The following PTPRU variants were observed in gnomAD, a reference collection of about 807,000 sequenced individuals.
The protein encoded by PTPRU is receptor-type tyrosine-protein phosphatase U.
In PTPRU, 69 loss-of-function variants were observed where a neutral mutation model predicts 166.3. That is an observed-to-expected ratio of 0.41 (90% CI 0.34 to 0.51). The LOEUF (loss-of-function observed/expected upper bound fraction) is 0.51. Among genes scored for constraint, PTPRU ranks in the 20% least tolerant of loss-of-function variants. PTPRU has a pLI of 0.09. For synonymous variants in PTPRU, 793 were observed against 814.0 expected, an observed-to-expected ratio of 0.97 and a Z score of 0.44; for missense variants, 1,657 against 2,013.7, an observed-to-expected ratio of 0.82 and a Z score of 3.39.
chr1:29,261,565 T>C (rs1685066924), intron 7 of PTPRU, among the ~76,000 whole-genome samples: 1 of 152,208 alleles, frequency 6.6e-6, no homozygotes, highest in African/African-American at 2.4e-5. Flanking sequence ...AGTTTTGCTC[T>C]GTCACCCAGG....
At chr1:29,244,674 T>C (rs1684212532) in intron 1 of PTPRU, among the ~76,000 whole-genome samples, 1 of 152,174 alleles carries the variant, frequency 6.6e-6, no homozygotes, top group African/African-American at 2.4e-5. Context: ...CCACCACTTC[T>C]AGCTGTGTGA....
chr1:29,262,039 G>A (rs1685089012), intron 7 of PTPRU, among the ~76,000 whole-genome samples: 1 of 152,134 alleles, frequency 6.6e-6, no homozygotes, highest in African/African-American at 2.4e-5. Context: ...GCTTGTACTT[G>A]TTTGTGTGTG....
rs2151935937 is a variant in PTPRU at position 29,237,579 on chromosome 1, G to C, written c.73+862G>C. On this transcript the variant is annotated intron_variant, in intron 1 of 29. Transcript: ENST00000373779. This position sits in a 1 kb window ranked among gnomAD's most constrained non-coding sequence, Gnocchi z 6.4. ...TGTGCGCGCGTGTGCGTGTGCGCGTGTGTGGCGCGCTGGGCCGGAACAAGT... is the reference window on the plus strand; with the variant it reads ...TGTGCGCGCGTGTGCGTGTGCGCGTCTGTGGCGCGCTGGGCCGGAACAAGT... 6.6e-6 allele frequency among the ~76,000 whole-genome samples: 1 copy of C among 151,774 alleles called. No homozygotes were observed.
intron 28 of PTPRU, 76 bp from the exon 29 acceptor site, chr1:29,325,115 C>T (rs1436630266): frequency 6.3e-7 from 1 of 1,575,226 alleles, no homozygotes; most frequent in Non-Finnish European, 8.7e-7. Context: ...TCTGCCCCTC[C>T]CTCGTGGTTC....
At chr1:29,275,235 C>T (rs941847811) in intron 7 of PTPRU, among the ~76,000 whole-genome samples, 1 of 152,120 alleles carries the variant, frequency 6.6e-6, no homozygotes, top group African/African-American at 2.4e-5. Context: ...CAGTTGCCAG[C>T]TGCAAGTGGC....
At chr1:29,309,535 C>T (rs1439112141) in intron 18 of PTPRU, among the ~76,000 whole-genome samples, 1 of 152,122 alleles carries the variant, frequency 6.6e-6, no homozygotes, top group East Asian at 1.9e-4. Context: ...ACTGCTTCAG[C>T]TTTAAAATAG....
intron 14 of PTPRU, among the ~76,000 whole-genome samples, chr1:29,290,310 G>T: frequency 6.6e-6 from 1 of 152,186 alleles, no homozygotes; most frequent in Non-Finnish European, 1.5e-5. Flanking sequence ...CCTCACAACA[G>T]CTCTGAGAAA....
rs923177425 is a variant in PTPRU, at chr1:29,262,449, G to T, written c.1144+1546G>T. 5.9e-5 allele frequency among the ~76,000 whole-genome samples: 9 copies of T among 152,282 alleles called. No homozygotes were observed. In the Middle Eastern group the frequency reaches 0.01, roughly 173 times the overall value. On this transcript the variant is annotated intron_variant, in intron 7 of 29. Coordinates refer to ENST00000373779, the MANE Select transcript of PTPRU (RefSeq NM_133178.4). ...TGTGGTCAACTTGAGGCTTGAAAAG[G>T]TGAGTACAATACAATAAGATATTTT... is the stretch of plus-strand genomic sequence containing the variant.
chr1:29,316,762 C>G (rs540461075), intron 24 of PTPRU, among the ~76,000 whole-genome samples: 117 of 152,248 alleles, frequency 7.7e-4, no homozygotes, highest in African/African-American at 2.6e-3. Context: ...CAGCATCCCC[C>G]CAACAGTCCT....
intron 1 of PTPRU, among the ~76,000 whole-genome samples, chr1:29,248,084 G>T (rs900970125): frequency 9.9e-5 from 15 of 152,210 alleles, no homozygotes; most frequent in African/African-American, 3.6e-4. Flanking sequence ...AGCAAGGTGG[G>T]CTGGGCCGGG....
intron 1 of PTPRU, among the ~76,000 whole-genome samples, chr1:29,252,047 A>G (rs1045102129): frequency 6.6e-6 from 1 of 152,200 alleles, no homozygotes; most frequent in African/African-American, 2.4e-5. Context: ...CACCTCCTAC[A>G]GGCAATAGGG....
chr1:29,246,137 A>G (rs1166911223), intron 1 of PTPRU, among the ~76,000 whole-genome samples: 2 of 152,220 alleles, frequency 1.3e-5, no homozygotes, highest in African/African-American at 4.8e-5. Flanking sequence ...CCAACAGTGC[A>G]CTTTGCCCCA....
Position 29,257,935 on chromosome 1 carries a change from C to G in PTPRU, c.206-570C>G, listed in dbSNP as rs1406119832. 6.6e-6 allele frequency among the ~76,000 whole-genome samples: 1 copy of G among 151,274 alleles called. No homozygotes were observed. Among genetic ancestry groups the G allele is most frequent in the East Asian group, 2.0e-4 (1 of 5,086 alleles). ...AAGCTGTGGTTAGGCTGGGCATGGGCATTGTGACCTGTAGATTGTAAGGAG... is the reference window on the plus strand; with the variant it reads ...AAGCTGTGGTTAGGCTGGGCATGGGGATTGTGACCTGTAGATTGTAAGGAG... On this transcript the variant is annotated intron_variant, in intron 2 of 29. Transcript: ENST00000373779. This position sits in a 1 kb window ranked among gnomAD's most constrained non-coding sequence, Gnocchi z 4.6.
chr1:29,265,904 T>G (rs966001224), intron 7 of PTPRU, among the ~76,000 whole-genome samples: 28 of 152,102 alleles, frequency 1.8e-4, no homozygotes, highest in Admixed American at 7.2e-4. Context: ...CTATTTTCAA[T>G]TTTGATGAGG....
rs774376477 is a variant in PTPRU, at chr1:29,323,363, A to G, written c.3829-8A>G. On this transcript the variant is annotated splice_region_variant and splice_polypyrimidine_tract_variant and intron_variant, in intron 26 of 29. Transcript: ENST00000373779. ...ACTCAGCTCTCCCCTCTCCGTGCTT[A>G]TGCCCAGCCCTGCCTGCAGTACTGG... 64 of 1,604,638 alleles carry G rather than the reference A, an allele frequency of 4.0e-5. No homozygotes were observed.
intron 1 of PTPRU, among the ~76,000 whole-genome samples, chr1:29,250,175 A>C: frequency 6.7e-6 from 1 of 149,070 alleles, no homozygotes; most frequent in South Asian, 2.1e-4. Context: ...TGTGGCCTTG[A>C]CTCTTCCCTT....
intron 12 of PTPRU, 40 bp from the exon 13 acceptor site, chr1:29,283,900 G>C: frequency 6.2e-7 from 1 of 1,613,344 alleles, no homozygotes; most frequent in Non-Finnish European, 8.5e-7. Flanking sequence ...GGGAGAGGTC[G>C]GGGCTTCAGC....
rs757763179 is a variant in PTPRU at position 29,311,319 on chromosome 1, G to A, written c.2858-137G>A. 1.3e-6 allele frequency: 1 copy of A among 760,084 alleles called. No individual in the cohort carries two copies. The highest frequency in any genetic ancestry group is 2.2e-6 in the Non-Finnish European group (1 of 464,128). 47.1% of individuals were successfully genotyped at this position (760,084 alleles called of 1,614,324 possible). A position where few individuals can be genotyped will look rare whatever the true frequency, so the allele number is the denominator to read the frequency against. On this transcript the variant is annotated intron_variant, in intron 19 of 29. Transcript: ENST00000373779. This position sits in a 1 kb window ranked among gnomAD's most constrained non-coding sequence, Gnocchi z 4.1. ...GGCATGCGTCAGCTGCAAGCTGGGT[G>A]TTGTGGGCAGCATGAAGCCCCCGTT...
intron 8 of PTPRU, among the ~76,000 whole-genome samples, chr1:29,276,701 T>G (rs2151951623): frequency 6.6e-6 from 1 of 152,332 alleles, no homozygotes; most frequent in South Asian, 2.1e-4. Context: ...TAATTTCTGT[T>G]TTCTTTTTTC....
Sources: gnomAD v4.1 joint callset for allele counts (sites outside exome capture counted in the v4.1 genomes callset) on GRCh38, gnomAD v4.1.1 for gene constraint, Gnocchi (gnomAD v3.1) non-coding constraint, MANE v1.5 for transcripts, NCBI Gene and HGNC (gene_info 2026-07-23, HGNC 2026-07-21) for gene names.